Variants in PEMT observed in about 807,000 individuals in gnomAD.
The protein encoded by PEMT is phospholipid methyltransferase.
Under a neutral mutation model 27.4 loss-of-function variants are expected in PEMT, and 23 were observed. The observed-to-expected ratio is 0.84, with a 90% CI of 0.60 to 1.19. PEMT has a LOEUF of 1.19. Ranked by LOEUF, PEMT falls within the 50% of genes most tolerant of loss-of-function variation. The pLI is 0.00. For missense variants in PEMT, 307 were observed against 310.1 expected (o/e 0.99, Z 0.07); for synonymous variants, 137 against 139.1 (o/e 0.98, Z 0.11).
At chr17:17,528,562 G>C (rs548081662) in intron 2 of PEMT, among the ~76,000 whole-genome samples, 2 of 152,340 alleles carry the variant, frequency 1.3e-5, no homozygotes, top group South Asian at 4.1e-4. Flanking sequence ...TCCATGAAGA[G>C]AGGAGGGGCC....
intron 5 of PEMT, chr17:17,507,262 C>A: frequency 1.5e-6 from 2 of 1,378,946 alleles, no homozygotes; most frequent in South Asian, 1.2e-5. Context: ...AAGGAGCTGT[C>A]TGGCGGGCAC....
At chr17:17,519,601 A>G (rs1907115436) in intron 3 of PEMT, among the ~76,000 whole-genome samples, 1 of 151,336 alleles carries the variant, frequency 6.6e-6, no homozygotes, top group Non-Finnish European at 1.5e-5. Context: ...TACACACAGC[A>G]CTCGGCTGGG....
At chr17:17,560,049 C>T (rs549929903) in intron 2 of PEMT, among the ~76,000 whole-genome samples, 5 of 151,850 alleles carry the variant, frequency 3.3e-5, no homozygotes, top group South Asian at 2.1e-4. Flanking sequence ...AGCGAAGCCA[C>T]GGCCTGACCT....
At position 17,505,636 on chromosome 17, in the gene PEMT, C is replaced by G. The variant is rs2142491343; in HGVS notation, c.*155G>C. 7.8e-6 allele frequency: 6 copies of G among 770,320 alleles called. No individual in the cohort carries two copies. In the East Asian group the frequency reaches 1.9e-4, roughly 25 times the overall value. The allele number at this position is 770,320 out of a possible 1,614,324, so 47.7% of individuals were successfully genotyped here. Reference sequence around the variant, plus strand: ...CTCAATGGCCATATGTCGGCACGTCCAGGGTCCCCAAGGCAGCAGGTTCCA... The same window carrying G: ...CTCAATGGCCATATGTCGGCACGTCGAGGGTCCCCAAGGCAGCAGGTTCCA... On this transcript the variant is annotated 3_prime_UTR_variant, in exon 7 of 7. Coordinates refer to ENST00000255389, the MANE Select transcript of PEMT (RefSeq NM_148172.3).
At chr17:17,519,760 C>T (rs977258291) in intron 3 of PEMT, among the ~76,000 whole-genome samples, 2 of 152,338 alleles carry the variant, frequency 1.3e-5, no homozygotes, top group East Asian at 3.9e-4. Flanking sequence ...CTCAAGGAAG[C>T]CTCTGGGGTT....
intron 1 of PEMT, among the ~76,000 whole-genome samples, chr17:17,585,435 G>T (rs1199381403): frequency 6.6e-6 from 1 of 152,156 alleles, no homozygotes; most frequent in Non-Finnish European, 1.5e-5. Flanking sequence ...GTTCTTGTTA[G>T]GGCCCTCCAT....
chr17:17,556,016 G>A (rs780900912), intron 2 of PEMT, among the ~76,000 whole-genome samples: 18 of 152,204 alleles, frequency 1.2e-4, no homozygotes, highest in Admixed American at 6.5e-5. Context: ...GCACTGTGCC[G>A]GGCACCAGGC....
At position 17,522,285 on chromosome 17, in the gene PEMT, C is replaced by A. The variant is rs767244941; in HGVS notation, c.315G>T (p.Ser105=). The A allele has an allele frequency of 2.5e-6, 4 of 1,609,682 alleles. No homozygotes were observed. The highest frequency in any genetic ancestry group is 3.4e-6 in the Non-Finnish European group (4 of 1,176,002). Residue 105 remains serine, a synonymous_variant, in exon 3 of 7, where the codon TCG becomes TCT. Transcript: ENST00000255389. ...VTILLLNFLR[S]HCFTQAMLSQ... ...AGTGAGAGAGCTGTGCTTACCAGTG[C>A]GAGCGCAGGAAGTTCAGGAGCAGGA... is the stretch of plus-strand genomic sequence containing the variant.
intron 2 of PEMT, among the ~76,000 whole-genome samples, chr17:17,563,500 G>A (rs967624477): frequency 1.3e-5 from 2 of 152,204 alleles, no homozygotes; most frequent in African/African-American, 4.8e-5. Flanking sequence ...TGCCCCTTAG[G>A]AAGAAGGGGC....
chr17:17,514,300 G>A (rs1401859786), intron 3 of PEMT, among the ~76,000 whole-genome samples: 1 of 152,266 alleles, frequency 6.6e-6, no homozygotes, highest in East Asian at 1.9e-4. Context: ...GGGAACAGAA[G>A]TTGCTCCTCC....
At chr17:17,568,820 T>G (rs1911003549) in intron 2 of PEMT, among the ~76,000 whole-genome samples, 1 of 152,000 alleles carries the variant, frequency 6.6e-6, no homozygotes, top group South Asian at 2.1e-4. Flanking sequence ...CACCCACACC[T>G]TTTCTTCCTT....
At position 17,523,703 on chromosome 17, in the gene PEMT, G is replaced by A. The variant is rs930408415; in HGVS notation, c.205-1308C>T. On this transcript the variant is annotated intron_variant, in intron 2 of 6. Coordinates refer to ENST00000255389, the MANE Select transcript of PEMT (RefSeq NM_148172.3). The surrounding 1 kb of genome is among the most constrained non-coding windows in gnomAD (Gnocchi z 4.8). Reference sequence around the variant, plus strand: ...AATAAGCGCTGCAGGGGTGAGGAGGGGGCTGCGGTGACCTTGCTGGGAATG... The same window carrying A: ...AATAAGCGCTGCAGGGGTGAGGAGGAGGCTGCGGTGACCTTGCTGGGAATG... Among the ~76,000 whole-genome samples the A allele has an allele frequency of 4.3e-4, 65 of 152,238 alleles. No individual in the cohort carries two copies. The highest frequency in any genetic ancestry group is 1.4e-3 in the African/African-American group (60 of 41,536).
chr17:17,527,924 T>C (rs1238295178), intron 2 of PEMT, among the ~76,000 whole-genome samples: 1 of 152,196 alleles, frequency 6.6e-6, no homozygotes, highest in African/African-American at 2.4e-5. Flanking sequence ...ATCTGCCTAA[T>C]ACCCAGCTGC....
At chr17:17,577,575 AC>A in intron 1 of PEMT, 1 of 946,678 alleles carries the variant, frequency 1.1e-6, no homozygotes, top group Non-Finnish European at 1.3e-6. Context: ...TACGGGGGGC[AC>A]GTGGACACTG....
chr17:17,563,704 C>T (rs1000588775), intron 2 of PEMT, among the ~76,000 whole-genome samples: 6 of 152,332 alleles, frequency 3.9e-5, no homozygotes, highest in Admixed American at 3.3e-4. Context: ...GCCCGGCTGT[C>T]CACACCAAGC....
At chr17:17,574,810 A>G (rs994309231) in intron 2 of PEMT, among the ~76,000 whole-genome samples, 3 of 152,154 alleles carry the variant, frequency 2.0e-5, no homozygotes, top group Admixed American at 6.5e-5. Flanking sequence ...TGGGAGACCC[A>G]TATGTACCTC....
In PEMT at chr17:17,558,875, A is replaced by G. The variant is rs571651843; in HGVS notation, c.204+18045T>C. Reference sequence around the variant, plus strand: ...TAGCAGGAAGCACCACTCCAAGGTCAGCCCACCCAACCAGGGTCCTAAGAG... The same window carrying G: ...TAGCAGGAAGCACCACTCCAAGGTCGGCCCACCCAACCAGGGTCCTAAGAG... On this transcript the variant is annotated intron_variant, in intron 2 of 6. Coordinates refer to ENST00000255389, the MANE Select transcript of PEMT (RefSeq NM_148172.3). 5.9e-5 allele frequency among the ~76,000 whole-genome samples: 9 copies of G among 152,208 alleles called. No homozygotes were observed. In the East Asian group the frequency reaches 1.7e-3, roughly 29 times the overall value.
intron 4 of PEMT, among the ~76,000 whole-genome samples, chr17:17,510,281 G>C (rs115625952): frequency 1.4e-4 from 21 of 152,310 alleles, no homozygotes; most frequent in African/African-American, 5.1e-4. Context: ...AGTGGCCGGG[G>C]TCACAGTCAC....
intron 3 of PEMT, among the ~76,000 whole-genome samples, chr17:17,514,377 C>G (rs1002084789): frequency 1.7e-4 from 26 of 152,246 alleles, no homozygotes; most frequent in Non-Finnish European, 3.5e-4. Context: ...TATTCATCGA[C>G]TGGAGAGAAG....
Sources: gnomAD v4.1 joint callset for allele counts (sites outside exome capture counted in the v4.1 genomes callset) on GRCh38, gnomAD v4.1.1 for gene constraint, Gnocchi (gnomAD v3.1) non-coding constraint, MANE v1.5 for transcripts, NCBI Gene and HGNC (gene_info 2026-07-23, HGNC 2026-07-21) for gene names.